NXN: variants seen among roughly 807,000 people sequenced by gnomAD.
NXN encodes nucleoredoxin.
Under a neutral mutation model 48.6 loss-of-function variants are expected in NXN, and 16 were observed. The ratio of observed to expected loss-of-function variants is 0.33; its 90% CI spans 0.22 to 0.50. The LOEUF is 0.50. Ranked by LOEUF, NXN falls within the 20% of genes least tolerant of loss-of-function variation. The probability of loss-of-function intolerance (pLI) is 0.98; values close to 1 mark genes in which losing one functional copy is unlikely to be tolerated. For synonymous variants in NXN, 281 were observed against 269.6 expected (o/e 1.04, Z -0.41); for missense variants, 492 against 605.5 (o/e 0.81, Z 1.97).
chr17:870,302 G>A (rs564760938), intron 1 of NXN, among the ~76,000 whole-genome samples: 22 of 152,280 alleles, frequency 1.4e-4, no homozygotes, highest in South Asian at 4.1e-4. Context: ...GAAAGATTCC[G>A]GTTCTGTGAG....
intron 1 of NXN, among the ~76,000 whole-genome samples, chr17:834,044 G>A (rs571037779): frequency 2.6e-5 from 4 of 152,348 alleles, no homozygotes; most frequent in South Asian, 2.1e-4. Flanking sequence ...TCAGGGCCAG[G>A]TGCGGTGGCT....
At chr17:965,084 T>C (rs544881051) in intron 1 of NXN, among the ~76,000 whole-genome samples, 69 of 152,200 alleles carry the variant, frequency 4.5e-4, no homozygotes, top group South Asian at 1.2e-3. Flanking sequence ...ACACTGACTA[T>C]TGGGCGTATC....
chr17:805,354 C>A, intron 5 of NXN, 107 bp from the exon 6 acceptor site: 1 of 1,180,188 alleles, frequency 8.5e-7, no homozygotes, highest in Non-Finnish European at 1.2e-6. Flanking sequence ...TGGTGGAGCC[C>A]ACCGAGGACC....
chr17:934,983 T>TA (rs1175833537), intron 1 of NXN, among the ~76,000 whole-genome samples: 6 of 151,856 alleles, frequency 4.0e-5, no homozygotes, highest in South Asian at 2.1e-4. Context: ...GCTCTTTATT[T>TA]TTTTTTATTT....
intron 1 of NXN, among the ~76,000 whole-genome samples, chr17:865,930 C>A (rs1407077999): frequency 6.6e-6 from 1 of 151,852 alleles, no homozygotes; most frequent in African/African-American, 2.4e-5. Context: ...TTGCAGTGAG[C>A]TAAGATCGCG....
intron 1 of NXN, among the ~76,000 whole-genome samples, chr17:908,846 G>A (rs2068605394): frequency 6.6e-6 from 1 of 152,038 alleles, no homozygotes; most frequent in East Asian, 1.9e-4. Flanking sequence ...GCTCACACCT[G>A]TAATCCCAGC....
Position 972,800 on chromosome 17 carries a change from C to T in NXN, c.360+6519G>A, listed in dbSNP as rs950942154. ...TAATCCCAGCACTTTGGGAGGCTGA[C>T]GCGGGTGGATCACGAGGTCAGGAGA... On this transcript the variant is annotated intron_variant, in intron 1 of 7. Coordinates refer to ENST00000336868, the MANE Select transcript of NXN (RefSeq NM_022463.5). 4.6e-5 allele frequency among the ~76,000 whole-genome samples: 7 copies of T among 152,064 alleles called. No homozygotes were observed. The East Asian group carries it at 1.2e-3, about 25-fold the overall frequency.
intron 1 of NXN, among the ~76,000 whole-genome samples, chr17:947,086 A>C (rs1000055033): frequency 2.0e-5 from 3 of 152,158 alleles, no homozygotes; most frequent in African/African-American, 7.2e-5. Flanking sequence ...CCACTCAGTG[A>C]AAAGCATCCT....
At chr17:881,816 T>C (rs2068287544) in intron 1 of NXN, among the ~76,000 whole-genome samples, 1 of 152,114 alleles carries the variant, frequency 6.6e-6, no homozygotes, top group Admixed American at 6.6e-5. Context: ...AAAACAAGGA[T>C]AAACCTCACA....
chr17:924,119 G>A (rs964381113), intron 1 of NXN, among the ~76,000 whole-genome samples: 66 of 151,038 alleles, frequency 4.4e-4, no homozygotes, highest in African/African-American at 1.2e-3. Flanking sequence ...CCAGGCTGCC[G>A]TGCAGTGGCA....
At chr17:902,498 G>T (rs967938181) in intron 1 of NXN, among the ~76,000 whole-genome samples, 1 of 152,168 alleles carries the variant, frequency 6.6e-6, no homozygotes, top group African/African-American at 2.4e-5. Context: ...GCCTCACTGG[G>T]CCGTCCTGCC....
Position 979,492 on chromosome 17 carries a change from C to T in NXN, c.187G>A (p.Asp63Asn), listed in dbSNP as rs1348248332. 61 of 1,202,790 alleles carry T rather than the reference C, an allele frequency of 5.1e-5. No individual in the cohort carries two copies. Among genetic ancestry groups the T allele is most frequent in the Non-Finnish European group, 6.2e-5 (60 of 967,672 alleles). The allele number at this position is 1,202,790 out of a possible 1,614,324, so 74.5% of individuals were successfully genotyped here. ...LAAFYGRLRGDAAAGPGPGAG... is the reference protein window; with the variant it reads ...LAAFYGRLRGNAAAGPGPGAG... Reference sequence around the variant, plus strand: ...CCCGGCCCCGGCCCGGCCGCCGCGTCCCCCCGCAGGCGCCCGTAGAAGGCG... The same window carrying T: ...CCCGGCCCCGGCCCGGCCGCCGCGTTCCCCCGCAGGCGCCCGTAGAAGGCG... Residue 63 changes from aspartate to asparagine, a missense_variant, in exon 1 of 8, where the codon GAC becomes AAC. By Grantham distance (23) the Asp-to-Asn change is conservative (BLOSUM62 1). Transcript: ENST00000336868.
intron 1 of NXN, among the ~76,000 whole-genome samples, chr17:903,406 G>A (rs2068554966): frequency 6.7e-6 from 1 of 150,152 alleles, no homozygotes; most frequent in African/African-American, 2.4e-5. Flanking sequence ...TTTTGAGACA[G>A]GGTCTCGCTC....
chr17:959,275 A>G, intron 1 of NXN: 2 of 473,440 alleles, frequency 4.2e-6, no homozygotes, highest in Non-Finnish European at 6.9e-6. Flanking sequence ...CCCCTCCATG[A>G]CTCCTGGAAT....
At chr17:808,539 C>T (rs1337943026) in intron 5 of NXN, among the ~76,000 whole-genome samples, 2 of 152,132 alleles carry the variant, frequency 1.3e-5, no homozygotes, top group African/African-American at 4.8e-5. Flanking sequence ...AGGTGATCCG[C>T]CCACCTCGGC....
chr17:804,734 G>C (rs1018730929), intron 6 of NXN, among the ~76,000 whole-genome samples: 43 of 152,336 alleles, frequency 2.8e-4, no homozygotes, highest in African/African-American at 1.0e-3. Flanking sequence ...CTCGGCCAGA[G>C]GGGCCCAGCC....
intron 1 of NXN, among the ~76,000 whole-genome samples, chr17:945,563 A>G (rs1214686840): frequency 2.0e-5 from 3 of 150,074 alleles, no homozygotes; most frequent in Non-Finnish European, 3.0e-5. Context: ...CCCGGGAGGC[A>G]GAGCTTGCCG....
In NXN at chr17:832,977, G is replaced by A. The variant is rs533829424; in HGVS notation, c.361-6899C>T. ...GCGATCTCAGTTCACTGCAAGCTCC[G>A]CCTCCTGGGTTCACACCATTCTCCT... is the stretch of plus-strand genomic sequence containing the variant. On this transcript the variant is annotated intron_variant, in intron 1 of 7. Coordinates refer to ENST00000336868, the MANE Select transcript of NXN (RefSeq NM_022463.5). 9.9e-5 allele frequency among the ~76,000 whole-genome samples: 15 copies of A among 152,144 alleles called. No homozygotes were observed. In the South Asian group the frequency reaches 2.1e-3, roughly 21 times the overall value.
At chr17:837,102 C>T (rs568602613) in intron 1 of NXN, among the ~76,000 whole-genome samples, 6 of 152,250 alleles carry the variant, frequency 3.9e-5, no homozygotes, top group South Asian at 2.1e-4. Context: ...CCTCAGCCTC[C>T]GAGGAGCTGG....
Sources: allele counts gnomAD v4.1 joint callset (sites outside exome capture counted in the v4.1 genomes callset), GRCh38; gene constraint gnomAD v4.1.1; transcripts MANE v1.5; gene names NCBI Gene and HGNC (gene_info 2026-07-23, HGNC 2026-07-21).